OR2L13: variants seen among roughly 807,000 people sequenced by gnomAD.
OR2L13 encodes the protein olfactory receptor 2L13.
OR2L13 carries 14 observed loss-of-function variants against 15.3 expected under a neutral mutation model. The ratio of observed to expected loss-of-function variants is 0.91; its 90% CI spans 0.60 to 1.43. OR2L13 has a LOEUF of 1.43. OR2L13 is among the 40% of genes most tolerant of loss of function. The probability of loss-of-function intolerance (pLI) is 0.00; values close to 1 mark genes in which losing one functional copy is unlikely to be tolerated. For missense variants in OR2L13, 367 were observed against 387.9 expected, an observed-to-expected ratio of 0.95 and a Z score of 0.45; for synonymous variants, 152 against 142.9, an observed-to-expected ratio of 1.06 and a Z score of -0.45.
the OR2L13 span, among the ~76,000 whole-genome samples, chr1:248,067,842 T>C: frequency 1.3e-5 from 2 of 152,172 alleles, no homozygotes; most frequent in Non-Finnish European, 1.5e-5. Flanking sequence ...CAGGAGGTTA[T>C]ATCCCACACC....
At chr1:247,953,322 A>G in the OR2L13 span, among the ~76,000 whole-genome samples, 1 of 152,106 alleles carries the variant, frequency 6.6e-6, no homozygotes, top group Admixed American at 6.5e-5. Context: ...TCATTCTTTA[A>G]TTGTTTCATG....
chr1:247,995,310 G>A, the OR2L13 span, among the ~76,000 whole-genome samples: 1 of 152,148 alleles, frequency 6.6e-6, no homozygotes, highest in Admixed American at 6.5e-5. Flanking sequence ...TCATCAAGAT[G>A]TATTGTAACA....
the OR2L13 span, among the ~76,000 whole-genome samples, chr1:247,993,807 G>GAGAGAGAGAGAGAGAA: frequency 8.8e-4 from 114 of 129,018 alleles, 3 homozygotes; most frequent in African/African-American, 1.3e-3. Flanking sequence ...GAGAGAGAGA[G>GAGAGAGAGAGAGAGAA]AGAGAAAGAA....
chr1:247,964,848 TATATA>T, the OR2L13 span, among the ~76,000 whole-genome samples: 42 of 149,176 alleles, frequency 2.8e-4, 1 homozygote, highest in South Asian at 8.2e-3. Context: ...ATATATGTAA[TATATA>T]ATATATTGAA....
At chr1:247,994,603 G>A in the OR2L13 span, among the ~76,000 whole-genome samples, 1 of 152,140 alleles carries the variant, frequency 6.6e-6, no homozygotes, top group Non-Finnish European at 1.5e-5. Context: ...GTGGTTACTA[G>A]CAGTGGGGAG....
chr1:248,100,587 G>A (rs923122217), exon 3 of OR2L13: 43 of 184,570 alleles, frequency 2.3e-4, no homozygotes, highest in South Asian at 3.8e-4. Flanking sequence ...TACTATTAAC[G>A]TGATAATGTT....
the OR2L13 span, among the ~76,000 whole-genome samples, chr1:248,012,748 TA>T: frequency 6.6e-6 from 1 of 152,062 alleles, no homozygotes; most frequent in East Asian, 1.9e-4. Flanking sequence ...TATACTTAAA[TA>T]AAAACATGAA....
the OR2L13 span, chr1:248,039,698 T>A: frequency 6.6e-6 from 1 of 152,434 alleles, no homozygotes; most frequent in African/African-American, 2.4e-5. Flanking sequence ...ATCATATCAT[T>A]CAGCATAATA....
At chr1:247,953,795 T>C in the OR2L13 span, among the ~76,000 whole-genome samples, 1 of 152,134 alleles carries the variant, frequency 6.6e-6, no homozygotes, top group African/African-American at 2.4e-5. Context: ...CCCTTATCAC[T>C]ACAGCCTGGG....
the OR2L13 span, among the ~76,000 whole-genome samples, chr1:248,000,059 G>A: frequency 6.6e-6 from 1 of 151,260 alleles, no homozygotes; most frequent in South Asian, 2.1e-4. Flanking sequence ...TATAAATCTT[G>A]CAGGTAAGCC....
chr1:247,943,974 T>A, the OR2L13 span, among the ~76,000 whole-genome samples: 1 of 152,188 alleles, frequency 6.6e-6, no homozygotes, highest in Non-Finnish European at 1.5e-5. Context: ...AGTTCCCTTT[T>A]TGAAAAAAGG....
the OR2L13 span, among the ~76,000 whole-genome samples, chr1:247,959,957 G>A: frequency 4.9e-4 from 74 of 152,096 alleles, no homozygotes; most frequent in East Asian, 5.2e-3. Flanking sequence ...GTCATTCTCC[G>A]TCCAGCTTTG....
the OR2L13 span, chr1:248,023,107 A>C: frequency 2.4e-6 from 1 of 410,964 alleles, no homozygotes; most frequent in South Asian, 5.3e-5. Flanking sequence ...TATATTTTAC[A>C]CTAAATTGTA....
the OR2L13 span, chr1:247,990,859 G>T: frequency 6.5e-7 from 1 of 1,539,328 alleles, no homozygotes; most frequent in East Asian, 2.3e-5. Flanking sequence ...TGAGTGCACG[G>T]TGTTTTTGAG....
At chr1:247,993,760 GGGGAGAGA>G in the OR2L13 span, among the ~76,000 whole-genome samples, 4,883 of 53,574 alleles carry the variant, frequency 0.091, 367 homozygotes, top group Admixed American at 0.11. Context: ...ACAGAGAGAG[GGGGAGAGA>G]GAGAGAGAGA....
the OR2L13 span, chr1:247,990,295 C>T: frequency 9.5e-7 from 1 of 1,048,670 alleles, no homozygotes; most frequent in South Asian, 1.3e-5. Flanking sequence ...ACATCAACTG[C>T]TTTCATCTTG....
the OR2L13 span, among the ~76,000 whole-genome samples, chr1:248,000,077 G>T: frequency 3.3e-5 from 5 of 149,576 alleles, no homozygotes; most frequent in African/African-American, 1.2e-4. Context: ...GCCAACTTGT[G>T]CCCCTGCCTT....
At chr1:248,070,082 C>T in the OR2L13 span, among the ~76,000 whole-genome samples, 1 of 152,096 alleles carries the variant, frequency 6.6e-6, no homozygotes, top group Non-Finnish European at 1.5e-5. Context: ...AGAAAGTTAA[C>T]AAGGATACCC....
chr1:248,004,161 G>T, the OR2L13 span: 12 of 1,062,512 alleles, frequency 1.1e-5, no homozygotes, highest in African/African-American at 1.6e-5. Flanking sequence ...TAGAGTTCAG[G>T]AGCAAAAAGT....
Sources: gnomAD v4.1 joint callset for allele counts (sites outside exome capture counted in the v4.1 genomes callset) on GRCh38, gnomAD v4.1.1 for gene constraint, MANE v1.5 for transcripts, NCBI Gene and HGNC (gene_info 2026-07-23, HGNC 2026-07-21) for gene names.